Variants in PCSK5 observed in about 807,000 individuals in gnomAD.
PCSK5 encodes the protein prohormone convertase 5.
A neutral mutation model predicts 233.2 loss-of-function variants in PCSK5; 129 were observed. The observed-to-expected ratio is 0.55, with a 90% CI of 0.48 to 0.64. PCSK5 has a LOEUF of 0.64. PCSK5 is among the 30% of genes least tolerant of loss of function. The probability of loss-of-function intolerance (pLI) is 0.00; values close to 1 mark genes in which losing one functional copy is unlikely to be tolerated. For missense variants in PCSK5, 2,076 were observed against 2,430.1 expected (o/e 0.85, Z 3.06); for synonymous variants, 825 against 879.2 (o/e 0.94, Z 1.09).
Position 76,025,725 on chromosome 9 carries a change from A to G in PCSK5, c.556-1236A>G, listed in dbSNP as rs1459791326. On this transcript the variant is annotated intron_variant, in intron 4 of 37. Coordinates refer to ENST00000674117, the MANE Select transcript of PCSK5 (RefSeq NM_001372043.1). Reference sequence around the variant, plus strand: ...TCTGAGACTTCTTTTCCCTCCTTATACTCTTGTATCTTTCTTAGGAAATTT... The same window carrying G: ...TCTGAGACTTCTTTTCCCTCCTTATGCTCTTGTATCTTTCTTAGGAAATTT... Among the ~76,000 whole-genome samples the G allele has an allele frequency of 2.6e-5, 4 of 151,868 alleles. No homozygotes were observed. In the East Asian group the frequency reaches 7.7e-4, roughly 29 times the overall value.
chr9:76,200,013 G>C (rs916052543), intron 20 of PCSK5, among the ~76,000 whole-genome samples: 4 of 152,054 alleles, frequency 2.6e-5, no homozygotes, highest in Non-Finnish European at 5.9e-5. Flanking sequence ...CCACTCCATA[G>C]CTGTGACTGT....
chr9:76,351,655 GAGAGAA>G (rs767705293), intron 36 of PCSK5, among the ~76,000 whole-genome samples: 25,760 of 146,044 alleles, frequency 0.18, 3,901 homozygotes, highest in East Asian at 0.48. Flanking sequence ...AAGAAAGAGA[GAGAGAA>G]AGAAAGAAAG....
At position 76,361,745 on chromosome 9, in the gene PCSK5, C is replaced by T. The variant is rs1185335985; in HGVS notation, c.*2823C>T. 6.6e-6 allele frequency: 1 copy of T among 152,146 alleles called. No homozygotes were observed. Among genetic ancestry groups the T allele is most frequent in the Non-Finnish European group, 1.5e-5 (1 of 68,038 alleles). The allele number at this position is 152,146 out of a possible 1,614,324, so 9.4% of individuals were successfully genotyped here. A position where few individuals can be genotyped will look rare whatever the true frequency, so the allele number is the denominator to read the frequency against. ...TTATCTCTTCAAAATGTATCTGAAG[C>T]CCTGATAGTTCTACTTTCAATTCTT... is the stretch of plus-strand genomic sequence containing the variant. On this transcript the variant is annotated 3_prime_UTR_variant, in exon 38 of 38. Transcript: ENST00000674117.
chr9:75,903,320 C>T (rs554148711), intron 1 of PCSK5, among the ~76,000 whole-genome samples: 136 of 151,888 alleles, frequency 9.0e-4, no homozygotes, highest in African/African-American at 3.2e-3. Flanking sequence ...GTATGGTAAT[C>T]TGATTGTTAA....
chr9:75,981,259 CT>C (rs1650391956), intron 2 of PCSK5, among the ~76,000 whole-genome samples: 1 of 152,076 alleles, frequency 6.6e-6, no homozygotes, highest in Admixed American at 6.6e-5. Context: ...ATTAGACTCT[CT>C]AGATAAAATT....
intron 24 of PCSK5, among the ~76,000 whole-genome samples, chr9:76,248,819 T>C (rs901683056): frequency 2.0e-5 from 3 of 152,228 alleles, no homozygotes; most frequent in African/African-American, 7.2e-5. Flanking sequence ...AGGGTCCCCC[T>C]GTCATCCAGG....
rs551606062 is a variant in PCSK5, at chr9:75,909,918, G to A, written c.192+18545G>A. ...AGTGAAATGTGAGCAGAAGTGACTCGTGTCCCTTCATTTACAGCCAGTGAG... is the reference window on the plus strand; with the variant it reads ...AGTGAAATGTGAGCAGAAGTGACTCATGTCCCTTCATTTACAGCCAGTGAG... On this transcript the variant is annotated intron_variant, in intron 1 of 37. Coordinates refer to ENST00000674117, the MANE Select transcript of PCSK5 (RefSeq NM_001372043.1). Among the ~76,000 whole-genome samples, 19 of 152,212 alleles carry A rather than the reference G, an allele frequency of 1.2e-4. 1 individual carries two copies. Among genetic ancestry groups the A allele is most frequent in the Admixed American group, 1.2e-3 (18 of 15,292 alleles).
intron 24 of PCSK5, among the ~76,000 whole-genome samples, chr9:76,256,923 C>T (rs115967251): frequency 0.013 from 2,006 of 152,290 alleles, 39 homozygotes; most frequent in African/African-American, 0.046. Context: ...AATTGCCTTC[C>T]TTGTACCTCC....
At chr9:76,052,749 C>T (rs925792116) in intron 5 of PCSK5, among the ~76,000 whole-genome samples, 1 of 152,194 alleles carries the variant, frequency 6.6e-6, no homozygotes, top group African/African-American at 2.4e-5. Context: ...AGCATTAACT[C>T]AGAAGTTCAC....
chr9:75,960,492 T>C (rs547372022), intron 2 of PCSK5, among the ~76,000 whole-genome samples: 59 of 152,170 alleles, frequency 3.9e-4, no homozygotes, highest in South Asian at 1.5e-3. Context: ...TTTAATATTC[T>C]GGGAAAACAG....
At position 76,128,992 on chromosome 9, in the gene PCSK5, G is replaced by C. The variant is rs543231186; in HGVS notation, c.1209-5117G>C. Among the ~76,000 whole-genome samples the C allele has an allele frequency of 5.7e-4, 87 of 152,196 alleles. 1 individual carries two copies. Among genetic ancestry groups the C allele is most frequent in the Non-Finnish European group, 1.2e-3 (80 of 67,996 alleles). ...GGACTGACAATCTGATGATCCTTTC[G>C]GGCTCTTCATTACCTAACAAAAGAG... On this transcript the variant is annotated intron_variant, in intron 9 of 37. Coordinates refer to ENST00000674117, the MANE Select transcript of PCSK5 (RefSeq NM_001372043.1).
At chr9:76,035,337 C>T (rs1174346563) in intron 5 of PCSK5, among the ~76,000 whole-genome samples, 1 of 152,136 alleles carries the variant, frequency 6.6e-6, no homozygotes, top group Non-Finnish European at 1.5e-5. Context: ...ACCTCGAATT[C>T]CTATATACCT....
intron 1 of PCSK5, among the ~76,000 whole-genome samples, chr9:75,893,738 A>G (rs1407184146): frequency 6.6e-6 from 1 of 152,230 alleles, no homozygotes; most frequent in African/African-American, 2.4e-5. Flanking sequence ...TTTACATACA[A>G]ATAACACCAA....
chr9:76,029,710 C>T (rs998594197), intron 5 of PCSK5, among the ~76,000 whole-genome samples: 1 of 152,134 alleles, frequency 6.6e-6, no homozygotes, highest in African/African-American at 2.4e-5. Context: ...CTTGAGCTCC[C>T]AAGGTAACTT....
chr9:76,148,268 C>A (rs1172360865), intron 10 of PCSK5, among the ~76,000 whole-genome samples: 3 of 150,990 alleles, frequency 2.0e-5, no homozygotes, highest in Non-Finnish European at 4.4e-5. Context: ...TTTACTTATT[C>A]TTTTCTCCCT....
chr9:75,895,108 G>T (rs1417776213), intron 1 of PCSK5, among the ~76,000 whole-genome samples: 1 of 152,086 alleles, frequency 6.6e-6, no homozygotes, highest in Non-Finnish European at 1.5e-5. Context: ...ACCTCTGAAG[G>T]ATAAAACTAA....
intron 20 of PCSK5, among the ~76,000 whole-genome samples, chr9:76,192,615 ATTCTTCTTC>A: frequency 1.2e-5 from 1 of 84,140 alleles, no homozygotes; most frequent in Non-Finnish European, 3.1e-5. Context: ...GTTGAATTTA[ATTCTTCTTC>A]TTGTGTTGAA....
At chr9:75,970,207 C>T (rs4130035) in intron 2 of PCSK5, among the ~76,000 whole-genome samples, 105,339 of 152,080 alleles carry the variant, frequency 0.69, 37,075 homozygotes, top group East Asian at 0.81. Context: ...AACCATCACA[C>T]CTTCTTTTGC....
At chr9:75,923,456 G>GA (rs147323798) in intron 1 of PCSK5, among the ~76,000 whole-genome samples, 17,505 of 151,916 alleles carry the variant, frequency 0.12, 1,611 homozygotes, top group African/African-American at 0.25. Flanking sequence ...AAGATCATGT[G>GA]AAAAAAAGTG....
Sources: gnomAD v4.1 joint callset for allele counts (sites outside exome capture counted in the v4.1 genomes callset) on GRCh38, gnomAD v4.1.1 for gene constraint, MANE v1.5 for transcripts, NCBI Gene and HGNC (gene_info 2026-07-23, HGNC 2026-07-21) for gene names.